Variants in DLGAP4 observed in about 807,000 individuals in gnomAD.
The protein encoded by DLGAP4 is disks large-associated protein 4.
In DLGAP4, 18 loss-of-function variants were observed where a neutral mutation model predicts 86.9. That is an observed-to-expected ratio of 0.21 (90% CI 0.14 to 0.31). The LOEUF is 0.31. DLGAP4 is among the 10% of genes least tolerant of loss of function. The probability of loss-of-function intolerance (pLI) is 1.00; values close to 1 mark genes in which losing one functional copy is unlikely to be tolerated. For synonymous variants in DLGAP4, 548 were observed against 574.3 expected, an observed-to-expected ratio of 0.95 and a Z score of 0.65; for missense variants, 1,085 against 1,362.6, an observed-to-expected ratio of 0.80 and a Z score of 3.21.
Position 36,528,594 on chromosome 20 carries a change from C to T in DLGAP4, c.*1563C>T, listed in dbSNP as rs2037913402. The T allele has an allele frequency of 6.5e-6, 1 of 152,776 alleles. No individual in the cohort carries two copies. The highest frequency in any genetic ancestry group is 2.4e-5 in the African/African-American group (1 of 41,482). 9.5% of individuals were successfully genotyped at this position (152,776 alleles called of 1,614,324 possible). ...CGGGGACAGTCCCTGCCCCTCCCTACCTCACAGGCATGTTGTGAGAATAAA... is the reference window on the plus strand; with the variant it reads ...CGGGGACAGTCCCTGCCCCTCCCTATCTCACAGGCATGTTGTGAGAATAAA... On this transcript the variant is annotated 3_prime_UTR_variant, in exon 13 of 13. Coordinates refer to ENST00000339266, the MANE Select transcript of DLGAP4 (RefSeq NM_001365621.2).
chr20:36,330,733 C>T (rs562105953), intron 1 of DLGAP4, among the ~76,000 whole-genome samples: 7 of 151,982 alleles, frequency 4.6e-5, no homozygotes, highest in East Asian at 1.9e-4. Flanking sequence ...CCACCACACC[C>T]GGCTACTTTT....
chr20:36,462,413 G>GC (rs1488278170), intron 7 of DLGAP4: 1 of 1,480,876 alleles, frequency 6.8e-7, no homozygotes, highest in Non-Finnish European at 8.8e-7. Context: ...TGCGCTGAAG[G>GC]CCCCCCTTTG....
rs150576228 is a variant in DLGAP4 at position 36,505,758 on chromosome 20, G to T, written c.2512+5147G>T. Among the ~76,000 whole-genome samples the T allele has an allele frequency of 2.4e-3, 372 of 152,248 alleles. 1 individual carries two copies. Among genetic ancestry groups the T allele is most frequent in the African/African-American group, 8.7e-3 (360 of 41,544 alleles). ...TGGGCCACTGCACTCCAGCCTGGGT[G>T]ACAGAGTGAGACCCTGTCTCAAAAG... On this transcript the variant is annotated intron_variant, in intron 10 of 12. Coordinates refer to ENST00000339266, the MANE Select transcript of DLGAP4 (RefSeq NM_001365621.2).
At chr20:36,383,980 T>C (rs1412332092) in intron 2 of DLGAP4, among the ~76,000 whole-genome samples, 1 of 125,116 alleles carries the variant, frequency 8.0e-6, no homozygotes, top group Non-Finnish European at 1.6e-5. Flanking sequence ...CGAGACTCCG[T>C]CTCAAAAAAA....
chr20:36,365,648 G>C (rs187928921), intron 1 of DLGAP4, among the ~76,000 whole-genome samples: 2 of 152,298 alleles, frequency 1.3e-5, no homozygotes, highest in Admixed American at 6.5e-5. Context: ...ACATTGTAAG[G>C]CTGTGGCAGG....
At chr20:36,522,300 G>A (rs1005858255) in intron 10 of DLGAP4, among the ~76,000 whole-genome samples, 1 of 151,974 alleles carries the variant, frequency 6.6e-6, no homozygotes, top group African/African-American at 2.4e-5. Flanking sequence ...CTGGGACTAT[G>A]GGCATCCACT....
chr20:36,461,911 CT>C, intron 7 of DLGAP4: 1 of 984,998 alleles, frequency 1.0e-6, no homozygotes, highest in Non-Finnish European at 1.2e-6. Context: ...CTCGGGTCCC[CT>C]TCTCAGAGCG....
intron 2 of DLGAP4, among the ~76,000 whole-genome samples, chr20:36,400,963 C>A (rs1285687774): frequency 2.0e-5 from 3 of 152,094 alleles, no homozygotes; most frequent in Non-Finnish European, 1.5e-5. Flanking sequence ...GGAATTCCCC[C>A]CTTTGCCGGA....
chr20:36,398,647 C>A (rs1950639344), intron 2 of DLGAP4, among the ~76,000 whole-genome samples: 1 of 152,268 alleles, frequency 6.6e-6, no homozygotes, highest in South Asian at 2.1e-4. Flanking sequence ...CTCGTTTAAC[C>A]CCCTTTAACA....
Position 36,525,947 on chromosome 20 carries a change from G to A in DLGAP4, c.2701G>A (p.Glu901Lys), listed in dbSNP as rs753855255. The change falls in exon 12 of 13, where the codon GAA becomes AAA. Residue 901 changes from glutamate to lysine, a missense_variant. Around this residue, in one of 2 missense-constraint regions of DLGAP4, gnomAD observed 1,082 missense variants for 1,344.1 expected, o/e 0.81. Transcript: ENST00000339266. ...SIEDISMKFD[E>K]LYHLKANSWQ... The stretch of plus-strand genomic sequence containing the variant: ...CGAGGATATCAGCATGAAGTTCGAT[G>A]AACTCTACCACCTCAAGGCCAACAG... 3 of 1,613,962 alleles carry A rather than the reference G, an allele frequency of 1.9e-6. No homozygotes were observed. The highest frequency in any genetic ancestry group is 1.1e-5 in the South Asian group (1 of 91,042).
intron 2 of DLGAP4, among the ~76,000 whole-genome samples, chr20:36,381,556 T>G (rs1760436448): frequency 6.6e-6 from 1 of 152,124 alleles, no homozygotes; most frequent in African/African-American, 2.4e-5. Context: ...TGGTGAACAT[T>G]GAGATGGGTG....
chr20:36,386,062 C>G (rs902188416), intron 2 of DLGAP4, among the ~76,000 whole-genome samples: 10 of 152,078 alleles, frequency 6.6e-5, no homozygotes, highest in Admixed American at 5.9e-4. Context: ...AAGGCGGGGG[C>G]CTCGGCACCA....
At chr20:36,390,596 C>T (rs187658287) in intron 2 of DLGAP4, among the ~76,000 whole-genome samples, 1 of 152,190 alleles carries the variant, frequency 6.6e-6, no homozygotes, top group South Asian at 2.1e-4. Flanking sequence ...ACTGTACCCC[C>T]CTCTAGTCTA....
intron 7 of DLGAP4, among the ~76,000 whole-genome samples, chr20:36,491,244 T>G (rs2035651241): frequency 6.6e-6 from 1 of 150,632 alleles, no homozygotes; most frequent in South Asian, 2.1e-4. Flanking sequence ...AAATACAGTT[T>G]GGAGGATAAA....
At chr20:36,442,648 T>A (rs984466773) in intron 5 of DLGAP4, 79 bp from the exon 6 acceptor site, 1 of 1,521,860 alleles carries the variant, frequency 6.6e-7, no homozygotes, top group African/African-American at 1.4e-5. Flanking sequence ...GCTTCAAGTT[T>A]CCTTGCAATT....
At chr20:36,518,660 T>C (rs1024404459) in intron 10 of DLGAP4, among the ~76,000 whole-genome samples, 10 of 152,152 alleles carry the variant, frequency 6.6e-5, no homozygotes, top group African/African-American at 2.4e-4. Flanking sequence ...ATTACTGGTT[T>C]CTAACCTATT....
intron 2 of DLGAP4, among the ~76,000 whole-genome samples, chr20:36,405,405 G>A (rs187229941): frequency 0.027 from 4,073 of 152,302 alleles, 206 homozygotes; most frequent in African/African-American, 0.093. Flanking sequence ...GCTTAGAACA[G>A]AGTCTGATAC....
chr20:36,525,760 G>A, intron 11 of DLGAP4, 91 bp from the exon 12 acceptor site: 3 of 1,564,316 alleles, frequency 1.9e-6, no homozygotes, highest in Non-Finnish European at 2.6e-6. Context: ...GGTGCTGGCA[G>A]GGCCCAGAGG....
At chr20:36,314,836 C>G (rs1197754083) in intron 1 of DLGAP4, among the ~76,000 whole-genome samples, 1 of 97,370 alleles carries the variant, frequency 1.0e-5, no homozygotes, top group African/African-American at 4.1e-5. Flanking sequence ...TGTATGGTGT[C>G]TGGTGTGTGT....
Sources: allele counts gnomAD v4.1 joint callset (sites outside exome capture counted in the v4.1 genomes callset), GRCh38; gene constraint gnomAD v4.1.1; regional missense constraint gnomAD v4.1.1; transcripts MANE v1.5; gene names NCBI Gene and HGNC (gene_info 2026-07-23, HGNC 2026-07-21).